The following NAALADL2 variants were observed in gnomAD, a reference collection of about 807,000 sequenced individuals.
The protein encoded by NAALADL2 is inactive N-acetylated-alpha-linked acidic dipeptidase-like protein 2.
In NAALADL2, 76 loss-of-function variants were observed where a neutral mutation model predicts 87.2. The observed-to-expected ratio is 0.87, with a 90% CI of 0.72 to 1.05. The LOEUF (loss-of-function observed/expected upper bound fraction) is 1.05, where lower values mean the gene tolerates loss of function less well. Ranked by LOEUF, NAALADL2 falls within the 50% of genes least tolerant of loss-of-function variation. NAALADL2 has a pLI of 0.00. For missense variants in NAALADL2, 1,089 were observed against 945.8 expected (o/e 1.15, Z -1.99); for synonymous variants, 354 against 331.0 (o/e 1.07, Z -0.75).
rs567326152 is a variant in NAALADL2, at chr3:175,508,909, A to G, written c.1653+37151A>G. Among the ~76,000 whole-genome samples the G allele has an allele frequency of 2.0e-5, 3 of 152,212 alleles. No individual in the cohort carries two copies. The South Asian group carries it at 6.2e-4, about 32-fold the overall frequency. On this transcript the variant is annotated intron_variant, in intron 9 of 13. Transcript: ENST00000454872. ...GGGAGGTAGATCACCCGAGGTCAGG[A>G]GTTCAAGACGAGCCTGGTCAACATG... is the stretch of plus-strand genomic sequence containing the variant.
intron 1 of NAALADL2, among the ~76,000 whole-genome samples, chr3:174,900,313 G>A (rs9819298): frequency 0.2 from 30,670 of 151,886 alleles, 3,201 homozygotes; most frequent in East Asian, 0.32. Flanking sequence ...AATAAATTCA[G>A]ATTTATTAAG....
chr3:175,329,625 G>C (rs931855546), intron 5 of NAALADL2, among the ~76,000 whole-genome samples: 2 of 152,070 alleles, frequency 1.3e-5, no homozygotes, highest in Non-Finnish European at 2.9e-5. Context: ...TCTGTCACTT[G>C]GTTGGGGAAA....
intron 9 of NAALADL2, among the ~76,000 whole-genome samples, chr3:175,485,392 C>T (rs995047509): frequency 5.3e-5 from 8 of 152,086 alleles, no homozygotes; most frequent in Non-Finnish European, 1.0e-4. Context: ...AATTCACTCA[C>T]ACGATCACAA....
At chr3:174,885,707 C>T (rs1730006883) in intron 1 of NAALADL2, among the ~76,000 whole-genome samples, 1 of 150,878 alleles carries the variant, frequency 6.6e-6, no homozygotes, top group African/African-American at 2.5e-5. Flanking sequence ...TCTAGAAGCA[C>T]CCCTGGTACC....
intron 11 of NAALADL2, among the ~76,000 whole-genome samples, chr3:175,687,009 TG>T (rs1736389868): frequency 6.6e-6 from 1 of 152,170 alleles, no homozygotes; most frequent in South Asian, 2.1e-4. Context: ...TCAAGTAGCT[TG>T]TTTGAGGTAC....
At chr3:174,501,212 G>A (rs1358068996) in intron 1 of NAALADL2, among the ~76,000 whole-genome samples, 1 of 147,574 alleles carries the variant, frequency 6.8e-6, no homozygotes, top group East Asian at 2.0e-4. Flanking sequence ...CCAAGTAGCT[G>A]GGACTACAGG....
intron 5 of NAALADL2, among the ~76,000 whole-genome samples, chr3:175,393,882 C>G (rs191913353): frequency 1.2e-4 from 19 of 152,246 alleles, no homozygotes; most frequent in African/African-American, 4.3e-4. Flanking sequence ...CAACCAGTCC[C>G]CCTTTTTGGA....
At chr3:174,608,408 A>G (rs1428646608) in intron 2 of NAALADL2, among the ~76,000 whole-genome samples, 3 of 152,018 alleles carry the variant, frequency 2.0e-5, no homozygotes, top group Non-Finnish European at 2.9e-5. Flanking sequence ...AACAAAATTG[A>G]TAGACCGCTA....
intron 9 of NAALADL2, among the ~76,000 whole-genome samples, chr3:175,552,501 C>T (rs1444274261): frequency 6.6e-6 from 1 of 152,098 alleles, no homozygotes; most frequent in African/African-American, 2.4e-5. Flanking sequence ...AAATATACAG[C>T]TATACTTTTA....
intron 5 of NAALADL2, among the ~76,000 whole-genome samples, chr3:175,357,418 T>C (rs1217154713): frequency 6.6e-6 from 1 of 152,218 alleles, no homozygotes. Context: ...TTATTTTCCT[T>C]TTCTGTATTA....
At chr3:174,590,134 G>A (rs1717198796) in intron 2 of NAALADL2, among the ~76,000 whole-genome samples, 1 of 151,478 alleles carries the variant, frequency 6.6e-6, no homozygotes, top group African/African-American at 2.4e-5. Context: ...TCTTTTTCGT[G>A]GTCCTTCTCA....
intron 11 of NAALADL2, among the ~76,000 whole-genome samples, chr3:175,657,083 C>T (rs1303326616): frequency 6.6e-6 from 1 of 152,018 alleles, no homozygotes; most frequent in Non-Finnish European, 1.5e-5. Flanking sequence ...GTTCAGGTTG[C>T]CCAAACTAGT....
chr3:174,886,907 C>T (rs1186539144), intron 1 of NAALADL2, among the ~76,000 whole-genome samples: 1 of 152,126 alleles, frequency 6.6e-6, no homozygotes, highest in Non-Finnish European at 1.5e-5. Context: ...AAAAAGTACT[C>T]CACTCACTCT....
intron 1 of NAALADL2, among the ~76,000 whole-genome samples, chr3:174,522,602 G>C (rs981106765): frequency 1.3e-5 from 2 of 151,964 alleles, no homozygotes; most frequent in Non-Finnish European, 2.9e-5. Flanking sequence ...TCACACCATT[G>C]CAGTCCAGCC....
intron 1 of NAALADL2, among the ~76,000 whole-genome samples, chr3:174,885,903 T>TAGA (rs1730070696): frequency 2.4e-5 from 1 of 42,200 alleles, no homozygotes; most frequent in African/African-American, 1.3e-4. Context: ...TTTTTTTTTT[T>TAGA]TTTTTTTTTT....
intron 2 of NAALADL2, among the ~76,000 whole-genome samples, chr3:174,664,703 A>G (rs1463646029): frequency 1.3e-5 from 2 of 152,204 alleles, no homozygotes; most frequent in Non-Finnish European, 2.9e-5. Flanking sequence ...TTTTGTGCAA[A>G]TGATAATTCT....
intron 7 of NAALADL2, among the ~76,000 whole-genome samples, chr3:175,465,176 C>T (rs993623716): frequency 2.9e-4 from 43 of 150,068 alleles, no homozygotes; most frequent in African/African-American, 9.0e-4. Context: ...GGCGTGAACC[C>T]GGGAGGCGGA....
intron 11 of NAALADL2, among the ~76,000 whole-genome samples, chr3:175,672,482 A>T (rs527824976): frequency 9.2e-5 from 14 of 152,132 alleles, no homozygotes; most frequent in Non-Finnish European, 1.9e-4. Context: ...GGGCAAAGGG[A>T]ATAGGATGTT....
At chr3:175,769,460 T>C (rs187143369) in intron 13 of NAALADL2, among the ~76,000 whole-genome samples, 1 of 152,320 alleles carries the variant, frequency 6.6e-6, no homozygotes, top group East Asian at 1.9e-4. Flanking sequence ...CTAGAGGCCA[T>C]AGAGAGGGGT....
Sources: allele counts gnomAD v4.1 joint callset (sites outside exome capture counted in the v4.1 genomes callset), GRCh38; gene constraint gnomAD v4.1.1; transcripts MANE v1.5; gene names NCBI Gene and HGNC (gene_info 2026-07-23, HGNC 2026-07-21).